The following TRPM3 variants were observed in gnomAD, a reference collection of about 807,000 sequenced individuals.
TRPM3 encodes the protein long transient receptor potential channel 3.
A neutral mutation model predicts 181.2 loss-of-function variants in TRPM3; 77 were observed. The observed-to-expected ratio is 0.42, with a 90% confidence interval of 0.35 to 0.51. The LOEUF is 0.51. TRPM3 is among the 20% of genes least tolerant of loss of function. The pLI is 0.01. For missense variants in TRPM3, 1,759 were observed against 2,196.7 expected (o/e 0.80, Z 3.98); for synonymous variants, 745 against 796.4 (o/e 0.94, Z 1.09).
intron 14 of TRPM3, among the ~76,000 whole-genome samples, chr9:70,621,855 C>T (rs1048833455): frequency 2.8e-4 from 42 of 152,048 alleles, no homozygotes; most frequent in African/African-American, 9.9e-4. Context: ...AATGAGATTG[C>T]CTGAGAATAG....
chr9:71,045,657 A>G (rs1565063206), intron 1 of TRPM3, among the ~76,000 whole-genome samples: 1 of 152,176 alleles, frequency 6.6e-6, no homozygotes. Context: ...TTTGACTGGG[A>G]GAAAGAAAGA....
At position 70,558,544 on chromosome 9, in the gene TRPM3, C is replaced by T. The variant is rs554321068; in HGVS notation, c.3224-5234G>A. ...AGGCCATGCTGCTCCCCTTCTTCCC[C>T]AAAGTATAAAGTAAAGGGCCTATAC... On this transcript the variant is annotated intron_variant, in intron 22 of 25. Coordinates refer to ENST00000677713, the MANE Select transcript of TRPM3 (RefSeq NM_001366145.2). 5.3e-5 allele frequency among the ~76,000 whole-genome samples: 8 copies of T among 152,250 alleles called. No homozygotes were observed. In the East Asian group the frequency reaches 1.2e-3, roughly 22 times the overall value.
At chr9:70,678,892 T>C (rs542188305) in intron 9 of TRPM3, among the ~76,000 whole-genome samples, 4 of 152,392 alleles carry the variant, frequency 2.6e-5, no homozygotes, top group South Asian at 2.1e-4. Context: ...CTGTGCTTGA[T>C]AGCCTTTACA....
chr9:70,852,149 A>G (rs2095254395), intron 3 of TRPM3, among the ~76,000 whole-genome samples: 1 of 150,522 alleles, frequency 6.6e-6, no homozygotes, highest in Non-Finnish European at 1.5e-5. Context: ...AAAAAAAAAA[A>G]AAAAAAGAGA....
chr9:70,536,718 T>C lies in TRPM3; in HGVS notation c.4395A>G (p.Arg1465=), dbSNP rs1040292615. ...SAYATLAPTD[R]PPSRSIDFED... ...CAAAATCAATGCTCCGGCTTGGAGG[T>C]CTGTCTGTGGGTGCAAGTGTTGCAT... Residue 1465 remains arginine, a synonymous_variant, in exon 26 of 26, where the codon AGA becomes AGG. Transcript: ENST00000677713. 3.1e-6 allele frequency: 5 copies of C among 1,613,916 alleles called. No homozygotes were observed. The African/African-American group carries it at 5.3e-5, about 17-fold the overall frequency.
At position 70,868,208 on chromosome 9, in the gene TRPM3, G is replaced by A. The variant is rs1052071313; in HGVS notation, c.178-3697C>T. The stretch of plus-strand genomic sequence containing the variant: ...CATAACCATGACTGAGTTTGTGAAG[G>A]GCTGGTTATTTTCTTTCTTGTCTTT... On this transcript the variant is annotated intron_variant, in intron 1 of 25. Coordinates refer to ENST00000677713, the MANE Select transcript of TRPM3 (RefSeq NM_001366145.2). 2.0e-5 allele frequency among the ~76,000 whole-genome samples: 3 copies of A among 152,072 alleles called. No homozygotes were observed. The East Asian group carries it at 5.8e-4, about 30-fold the overall frequency.
Position 70,786,357 on chromosome 9 carries a change from C to T in TRPM3, c.974-2078G>A, listed in dbSNP as rs373648164. Among the ~76,000 whole-genome samples the T allele has an allele frequency of 1.3e-4, 17 of 131,550 alleles. 1 individual carries two copies. In the East Asian group the frequency reaches 1.3e-3, roughly 10 times the overall value. 86.3% of individuals were successfully genotyped at this position (131,550 alleles called of 152,430 possible). On this transcript the variant is annotated intron_variant, in intron 6 of 25. Coordinates refer to ENST00000677713, the MANE Select transcript of TRPM3 (RefSeq NM_001366145.2). Reference sequence around the variant, plus strand: ...AAAATTAGCTGGGCGTGGTGGCAGGCGCCTGTAATCCCAGCTACTTGGGAG... The same window carrying T: ...AAAATTAGCTGGGCGTGGTGGCAGGTGCCTGTAATCCCAGCTACTTGGGAG...
chr9:70,799,975 G>A (rs2088428334), intron 6 of TRPM3, among the ~76,000 whole-genome samples: 1 of 152,106 alleles, frequency 6.6e-6, no homozygotes, highest in Non-Finnish European at 1.5e-5. Context: ...CAGTTTACTG[G>A]GTCTCTCCAA....
intron 22 of TRPM3, among the ~76,000 whole-genome samples, chr9:70,563,531 C>T (rs538134674): frequency 6.6e-6 from 1 of 152,298 alleles, no homozygotes; most frequent in South Asian, 2.1e-4. Context: ...GCAGATTCCA[C>T]CATTGACCAA....
intron 1 of TRPM3, among the ~76,000 whole-genome samples, chr9:71,261,614 G>A (rs768244699): frequency 3.5e-4 from 54 of 152,176 alleles, no homozygotes; most frequent in Non-Finnish European, 1.3e-4. Context: ...GCCTTTTCAT[G>A]CCAGTTTTTC....
At chr9:71,301,139 G>C (rs1731635113) in intron 1 of TRPM3, among the ~76,000 whole-genome samples, 1 of 152,076 alleles carries the variant, frequency 6.6e-6, no homozygotes, top group African/African-American at 2.4e-5. Context: ...CTGTCTCAGA[G>C]CAACATGTAC....
At chr9:70,945,274 T>C (rs899692343) in intron 1 of TRPM3, among the ~76,000 whole-genome samples, 30 of 152,232 alleles carry the variant, frequency 2.0e-4, no homozygotes, top group African/African-American at 7.0e-4. Context: ...TTAACTACCA[T>C]ATAAAATTAT....
chr9:70,607,625 G>A lies in TRPM3; in HGVS notation c.2667+2984C>T, dbSNP rs57209282. Among the ~76,000 whole-genome samples, 720 of 152,216 alleles carry A rather than the reference G, an allele frequency of 4.7e-3. 5 individuals are homozygous for A. The highest frequency in any genetic ancestry group is 0.017 in the African/African-American group (696 of 41,516). ...TCAAGTGTCTCCAATCATAAGATTC[G>A]CCTGGGAAGCTGGTTAAACTAACAC... On this transcript the variant is annotated intron_variant, in intron 19 of 25. Transcript: ENST00000677713.
At chr9:70,987,202 C>A (rs937969554) in intron 1 of TRPM3, among the ~76,000 whole-genome samples, 17 of 151,808 alleles carry the variant, frequency 1.1e-4, no homozygotes, top group African/African-American at 3.6e-4. Flanking sequence ...CAACTGATGA[C>A]AACAAAAACA....
chr9:70,960,155 C>A (rs1273092404), intron 1 of TRPM3, among the ~76,000 whole-genome samples: 1 of 150,720 alleles, frequency 6.6e-6, no homozygotes, highest in Non-Finnish European at 1.5e-5. Context: ...TGTGTGGAGA[C>A]ATAGCTACAG....
At chr9:71,341,557 G>T (rs949063939) in intron 1 of TRPM3, among the ~76,000 whole-genome samples, 1 of 151,712 alleles carries the variant, frequency 6.6e-6, no homozygotes, top group East Asian at 1.9e-4. Flanking sequence ...AATTGCTAAG[G>T]TTACAAAACT....
intron 1 of TRPM3, among the ~76,000 whole-genome samples, chr9:71,027,019 C>CCTG (rs2056629292): frequency 6.6e-6 from 1 of 152,164 alleles, no homozygotes; most frequent in Admixed American, 6.5e-5. Context: ...AAGGATGAAT[C>CCTG]CTGCTGCCAC....
intron 1 of TRPM3, among the ~76,000 whole-genome samples, chr9:70,994,582 G>A (rs939508040): frequency 2.0e-5 from 3 of 151,964 alleles, no homozygotes; most frequent in African/African-American, 7.3e-5. Flanking sequence ...TCCATGGCAG[G>A]GAAGTATACA....
At chr9:71,341,768 T>G (rs2090979841) in intron 1 of TRPM3, among the ~76,000 whole-genome samples, 1 of 152,014 alleles carries the variant, frequency 6.6e-6, no homozygotes, top group Non-Finnish European at 1.5e-5. Context: ...GTTTTGATAA[T>G]TTTCCTATGG....
Sources: gnomAD v4.1 joint callset for allele counts (sites outside exome capture counted in the v4.1 genomes callset) on GRCh38, gnomAD v4.1.1 for gene constraint, MANE v1.5 for transcripts, NCBI Gene and HGNC (gene_info 2026-07-23, HGNC 2026-07-21) for gene names.